ERICH3: variants seen among roughly 807,000 people sequenced by gnomAD.
The protein encoded by ERICH3 is glutamate-rich protein 3.
ERICH3 carries 126 observed loss-of-function variants against 131.1 expected under a neutral mutation model. The ratio of observed to expected loss-of-function variants is 0.96; its 90% CI spans 0.83 to 1.11. The LOEUF (loss-of-function observed/expected upper bound fraction) is 1.11, where lower values mean the gene tolerates loss of function less well. Ranked by LOEUF, ERICH3 falls within the 50% of genes most tolerant of loss-of-function variation. The pLI is 0.00. For missense variants in ERICH3, 2,050 were observed against 1,810.7 expected, an observed-to-expected ratio of 1.13 and a Z score of -2.40; for synonymous variants, 695 against 644.6, an observed-to-expected ratio of 1.08 and a Z score of -1.18.
intron 1 of ERICH3, among the ~76,000 whole-genome samples, chr1:74,657,797 G>A (rs890210934): frequency 5.3e-5 from 8 of 151,988 alleles, no homozygotes; most frequent in African/African-American, 1.7e-4. Context: ...TTGCATATGA[G>A]ACATGGTATA....
chr1:74,572,995 T>C lies in ERICH3; in HGVS notation c.2715A>G (p.Ala905=), dbSNP rs200789229. Residue 905 remains alanine (A), a synonymous_variant, in exon 14 of 15, where the codon GCA becomes GCG. Coordinates refer to ENST00000326665, the MANE Select transcript of ERICH3 (RefSeq NM_001002912.5). ...CCAAGTTCAGGGCTGCTGCTTCATTTGCAAGCACTGCCTTCTCTAAACCCT... is the reference window on the plus strand; with the variant it reads ...CCAAGTTCAGGGCTGCTGCTTCATTCGCAAGCACTGCCTTCTCTAAACCCT... ...GEQGLEKAVL[A]NEAAALNLEH... The C allele has an allele frequency of 9.9e-6, 16 of 1,614,050 alleles. No homozygotes were observed. Among genetic ancestry groups the C allele is most frequent in the Non-Finnish European group, 2.5e-6 (3 of 1,180,040 alleles).
intron 6 of ERICH3, among the ~76,000 whole-genome samples, chr1:74,634,466 G>A (rs949916252): frequency 2.0e-5 from 3 of 151,918 alleles, no homozygotes; most frequent in Non-Finnish European, 4.4e-5. Context: ...ACAGGAAAAG[G>A]CCCTGTAAAG....
chr1:74,652,596 T>C (rs1000387142), intron 1 of ERICH3, among the ~76,000 whole-genome samples: 1 of 152,032 alleles, frequency 6.6e-6, no homozygotes, highest in South Asian at 2.1e-4. Flanking sequence ...CTGACTAAGG[T>C]CACCTTGCTC....
intron 11 of ERICH3, among the ~76,000 whole-genome samples, chr1:74,591,623 C>T (rs1450354172): frequency 6.6e-6 from 1 of 152,100 alleles, no homozygotes; most frequent in Admixed American, 6.6e-5. Context: ...GCTACAGATT[C>T]GCAGTCTAGA....
At chr1:74,581,270 G>A (rs1557667265) in intron 12 of ERICH3, among the ~76,000 whole-genome samples, 1 of 151,990 alleles carries the variant, frequency 6.6e-6, no homozygotes, top group Non-Finnish European at 1.5e-5. Context: ...GCTTTGTGTG[G>A]AATAGCATAT....
intron 4 of ERICH3, among the ~76,000 whole-genome samples, chr1:74,641,907 G>A (rs1277311767): frequency 1.3e-5 from 2 of 152,094 alleles, no homozygotes; most frequent in Non-Finnish European, 2.9e-5. Context: ...CATATGAAGA[G>A]GCACAAGGGT....
chr1:74,642,936 T>C (rs1381091434), intron 4 of ERICH3, 91 bp downstream of exon 4: 1 of 928,236 alleles, frequency 1.1e-6, no homozygotes, highest in African/African-American at 1.7e-5. Flanking sequence ...AAAAGTAAAG[T>C]GTCCCAGGGA....
intron 13 of ERICH3, among the ~76,000 whole-genome samples, chr1:74,574,524 T>C (rs975711205): frequency 1.3e-5 from 2 of 152,196 alleles, no homozygotes; most frequent in Non-Finnish European, 2.9e-5. Context: ...AGACACCAAT[T>C]TGCATTACCT....
rs762638364 is a variant in ERICH3 at position 74,571,612 on chromosome 1, G to C, written c.4098C>G (p.Ala1366=). ...EREVLAGSET[A]EEKTIANKAS... ...CTTTATTTGCTATTGTTTTCTCCTC[G>C]GCTGTCTCCGAACCTGCCAACACCT... is the stretch of plus-strand genomic sequence containing the variant. Residue 1366 remains alanine (A), a synonymous_variant, in exon 14 of 15, where the codon GCC becomes GCG. Coordinates refer to ENST00000326665, the MANE Select transcript of ERICH3 (RefSeq NM_001002912.5). 1 of 1,613,950 alleles carries C rather than the reference G, an allele frequency of 6.2e-7. No individual in the cohort carries two copies. Among genetic ancestry groups the C allele is most frequent in the South Asian group, 1.1e-5 (1 of 91,082 alleles).
chr1:74,573,140 T>A lies in ERICH3; in HGVS notation c.2570A>T (p.Asp857Val), dbSNP rs747225871. The change falls in exon 14 of 15, where the codon GAC (aspartate) becomes GTC (valine). Residue 857 changes from aspartate to valine, a missense_variant. Coordinates refer to ENST00000326665, the MANE Select transcript of ERICH3 (RefSeq NM_001002912.5). Reference protein sequence around the residue: ...GVRRLGEGGSDPIGQAAAKDA... With the variant: ...GVRRLGEGGSVPIGQAAAKDA... ...TTTTGCTGCTGCTTGTCCTATGGGG[T>A]CTGACCCCCCTTCACCCAGCCTTCT... 6.2e-7 allele frequency: 1 copy of A among 1,613,220 alleles called. No homozygotes were observed. Among genetic ancestry groups the A allele is most frequent in the Non-Finnish European group, 8.5e-7 (1 of 1,179,670 alleles).
chr1:74,626,319 G>T (rs1385421145), intron 7 of ERICH3, among the ~76,000 whole-genome samples: 3 of 152,094 alleles, frequency 2.0e-5, no homozygotes, highest in Admixed American at 6.5e-5. Context: ...GGAGAAACTG[G>T]CTTAAGTTGT....
intron 8 of ERICH3, among the ~76,000 whole-genome samples, chr1:74,617,953 G>A (rs1276093318): frequency 1.3e-5 from 2 of 152,180 alleles, no homozygotes; most frequent in Non-Finnish European, 2.9e-5. Flanking sequence ...CCAATGCTTT[G>A]TGAGGCCAAG....
chr1:74,612,647 A>G lies in ERICH3; in HGVS notation c.1163T>C (p.Val388Ala). The G allele has an allele frequency of 6.3e-7, 1 of 1,584,020 alleles. No homozygotes were observed. Among genetic ancestry groups the G allele is most frequent in the Non-Finnish European group, 8.6e-7 (1 of 1,157,334 alleles). The change falls in exon 9 of 15, where the codon GTT becomes GCT. Residue 388 changes from valine to alanine, a missense_variant. Val to Ala is a moderately conservative substitution (Grantham distance 64). Coordinates refer to ENST00000326665, the MANE Select transcript of ERICH3 (RefSeq NM_001002912.5). Reference protein sequence around the residue: ...GKRGYFGFVCVERSSPCYKCI... With the variant: ...GKRGYFGFVCAERSSPCYKCI... ...CTTGTAGCAAGGAGATGATCTCTCA[A>G]CACACACAAACCCAAAGTAGCCTCG...
At chr1:74,651,570 C>T (rs1646535144) in intron 1 of ERICH3, among the ~76,000 whole-genome samples, 1 of 152,102 alleles carries the variant, frequency 6.6e-6, no homozygotes, top group African/African-American at 2.4e-5. Context: ...CTTTTCAGCT[C>T]CTCATTTCAG....
At chr1:74,584,829 G>A (rs1450012672) in intron 12 of ERICH3, among the ~76,000 whole-genome samples, 1 of 152,134 alleles carries the variant, frequency 6.6e-6, no homozygotes, top group African/African-American at 2.4e-5. Flanking sequence ...AGGGACTGAA[G>A]AGGTCTATTA....
chr1:74,573,216 G>T lies in ERICH3; in HGVS notation c.2494C>A (p.Pro832Thr), dbSNP rs781275566. The change falls in exon 14 of 15, where the codon CCT becomes ACT. Residue 832 changes from proline (P) to threonine (T), a missense_variant. Physicochemically the swap from Pro to Thr is conservative, Grantham distance 38. Transcript: ENST00000326665. ...TCTGCCCCCCTTTCTATGCCTGGAG[G>T]GATCTCCCTTTTTTCTGTAAACTCT... is the stretch of plus-strand genomic sequence containing the variant. ...AEEFTEKREIPPGIERGAEGA... is the reference protein window; with the variant it reads ...AEEFTEKREITPGIERGAEGA... 3.7e-6 allele frequency: 6 copies of T among 1,612,374 alleles called. No homozygotes were observed. The highest frequency in any genetic ancestry group is 5.1e-6 in the Non-Finnish European group (6 of 1,179,154).
Position 74,572,081 on chromosome 1 carries a change from T to C in ERICH3, c.3629A>G (p.Gln1210Arg), listed in dbSNP as rs1287650297. Reference protein sequence around the residue: ...ENRALKEGHRQDGEGALAAPE... With the variant: ...ENRALKEGHRRDGEGALAAPE... The stretch of plus-strand genomic sequence containing the variant: ...AGCTGCTAAGGCCCCCTCTCCATCT[T>C]GGCGGTGCCCTTCCTTCAGGGCCCT... Residue 1210 changes from glutamine (Q) to arginine (R), a missense_variant, in exon 14 of 15, where the codon CAA becomes CGA. Coordinates refer to ENST00000326665, the MANE Select transcript of ERICH3 (RefSeq NM_001002912.5). 1 of 1,614,218 alleles carries C rather than the reference T, an allele frequency of 6.2e-7. No homozygotes were observed. Among genetic ancestry groups the C allele is most frequent in the Non-Finnish European group, 8.5e-7 (1 of 1,180,024 alleles).
intron 12 of ERICH3, among the ~76,000 whole-genome samples, chr1:74,586,013 C>T (rs1380230179): frequency 6.6e-6 from 1 of 151,986 alleles, no homozygotes; most frequent in African/African-American, 2.4e-5. Context: ...TCTGTTTTAC[C>T]TGTTAATGTC....
chr1:74,598,410 C>T (rs1254530910), intron 11 of ERICH3, among the ~76,000 whole-genome samples: 2 of 151,514 alleles, frequency 1.3e-5, no homozygotes, highest in Admixed American at 1.3e-4. Context: ...TAGGAGAAGG[C>T]TTTTTAATTA....
Sources: gnomAD v4.1 joint callset for allele counts (sites outside exome capture counted in the v4.1 genomes callset) on GRCh38, gnomAD v4.1.1 for gene constraint, MANE v1.5 for transcripts, NCBI Gene and HGNC (gene_info 2026-07-23, HGNC 2026-07-21) for gene names.